The following LAMA5 variants were observed in gnomAD, a reference collection of about 807,000 sequenced individuals.
LAMA5 encodes the protein laminin subunit alpha 5.
LAMA5 carries 260 observed loss-of-function variants against 433.4 expected under a neutral mutation model. That is an observed-to-expected ratio of 0.60 (90% CI 0.54 to 0.66). LAMA5 has a LOEUF of 0.66. Ranked by LOEUF, LAMA5 falls within the 30% of genes least tolerant of loss-of-function variation. The pLI, the probability that LAMA5 is intolerant of heterozygous loss-of-function variation, is 0.00. For missense variants in LAMA5, 5,378 were observed against 5,258.5 expected, an observed-to-expected ratio of 1.02 and a Z score of -0.70; for synonymous variants, 2,620 against 2,226.6, an observed-to-expected ratio of 1.18 and a Z score of -4.97.
rs11466846 is a variant in LAMA5, at chr20:62,341,826, C to CAAA, written c.1478-3221_1478-3219dup. ...CGAACCTCTGTTAGGTCTGATCAAC[C>CAAA]AAAAAAAAAAAAAAAAAAAAAGAAG... On this transcript the variant is annotated intron_variant, in intron 11 of 79. Transcript: ENST00000252999. Among the ~76,000 whole-genome samples, 563 of 127,828 alleles carry CAAA rather than the reference C, an allele frequency of 4.4e-3. 1 individual carries two copies. The highest frequency in any genetic ancestry group is 0.019 in the African/African-American group (495 of 26,318). The allele number at this position is 127,828 out of a possible 152,430, so 83.9% of individuals were successfully genotyped here. A position where few individuals can be genotyped will look rare whatever the true frequency, so the allele number is the denominator to read the frequency against.
At chr20:62,336,187 C>T (rs539897324) in intron 18 of LAMA5, among the ~76,000 whole-genome samples, 153 bp downstream of exon 18, 71 of 148,488 alleles carry the variant, frequency 4.8e-4, no homozygotes, top group Admixed American at 8.7e-4. Context: ...GTACAATCCC[C>T]GAGGAACCCC....
intron 10 of LAMA5, 22 bp from the exon 11 acceptor site, chr20:62,345,899 G>A: frequency 6.4e-7 from 1 of 1,557,334 alleles, no homozygotes; most frequent in Non-Finnish European, 8.7e-7. Context: ...AGACACGCAT[G>A]TTGGCCAGGT....
At chr20:62,366,345 A>G (rs1193662592) in intron 1 of LAMA5, among the ~76,000 whole-genome samples, 1 of 152,190 alleles carries the variant, frequency 6.6e-6, no homozygotes, top group Non-Finnish European at 1.5e-5. Context: ...CACATCTCCC[A>G]GGGAGACTGA....
chr20:62,343,374 G>A (rs1262290599), intron 11 of LAMA5, among the ~76,000 whole-genome samples: 5 of 152,144 alleles, frequency 3.3e-5, no homozygotes, highest in Non-Finnish European at 5.9e-5. Flanking sequence ...GTAGAACAAC[G>A]TGGGCAGATT....
In LAMA5 at chr20:62,318,971, G is replaced by A. The variant is rs539739323; in HGVS notation, c.6914C>T (p.Ser2305Leu). The stretch of plus-strand genomic sequence containing the variant: ...GAGCAGCTGCTCACCTGATGGAGCC[G>A]AGGCATTGGCCAGCCCCAGGTGGCC... The part of the protein sequence containing the change: ...QTGHLGLANA[S>L]APSGEQLLRT... The change falls in exon 52 of 80, where the codon TCG becomes TTG. Residue 2305 changes from serine to leucine, a missense_variant. Transcript: ENST00000252999. 3.5e-5 allele frequency: 56 copies of A among 1,594,284 alleles called. No homozygotes were observed. Among genetic ancestry groups the A allele is most frequent in the Middle Eastern group, 1.7e-4 (1 of 6,044 alleles).
chr20:62,329,782 A>G lies in LAMA5; in HGVS notation c.4114T>C (p.Trp1372Arg). 6.2e-7 allele frequency: 1 copy of G among 1,612,430 alleles called. No homozygotes were observed. The highest frequency in any genetic ancestry group is 2.2e-5 in the East Asian group (1 of 44,862). The change falls in exon 32 of 80, where the codon TGG becomes CGG. Residue 1372 changes from tryptophan to arginine, a missense_variant. Transcript: ENST00000252999. The stretch of plus-strand genomic sequence containing the variant: ...GGACATCAGCTGGGACTCACCAGCC[A>G]GAGCCACCGGCCCTTGGGCACACGC... ...TVRVPKGRWL[W>R]LDYVLVVPEN...
Position 62,313,691 on chromosome 20 carries a change from G to A in LAMA5, c.8616C>T (p.Asp2872=), listed in dbSNP as rs187988761. 3.5e-5 allele frequency: 57 copies of A among 1,612,834 alleles called. No individual in the cohort carries two copies. The highest frequency in any genetic ancestry group is 2.5e-4 in the African/African-American group (19 of 75,064). ...ACCCCCCGACGTAGAAGACGAAGTC[G>A]TCTGGCCGCAGGTTGAGCAGCCCCT... ...GAEGLLNLRP[D]DFVFYVGGYP... The change falls in exon 63 of 80, where the codon GAC becomes GAT. Residue 2872 remains aspartate, a synonymous_variant. Coordinates refer to ENST00000252999, the MANE Select transcript of LAMA5 (RefSeq NM_005560.6).
At chr20:62,321,830 G>C (rs1395076337) in intron 48 of LAMA5, among the ~76,000 whole-genome samples, 189 bp downstream of exon 48, 1 of 151,818 alleles carries the variant, frequency 6.6e-6, no homozygotes, top group Admixed American at 6.6e-5. Context: ...ACAGTAGAGG[G>C]GTGCAGCCAG....
chr20:62,331,243 TGGGG>T (rs1980376894), intron 28 of LAMA5, 114 bp from the exon 29 acceptor site: 1 of 11,592 alleles, frequency 8.6e-5, no homozygotes, highest in Non-Finnish European at 2.1e-4. Flanking sequence ...GGCGGTACGA[TGGGG>T]AGTGCAGGCG....
rs528037607 is a variant in LAMA5 at position 62,359,458 on chromosome 20, C to T, written c.450+2942G>A. ...CCATGTGCCTGGGCAGTCATGAACG[C>T]GCTCACCCTTCCCTGGGCCTGGGGC... On this transcript the variant is annotated intron_variant, in intron 2 of 79. Coordinates refer to ENST00000252999, the MANE Select transcript of LAMA5 (RefSeq NM_005560.6). This position sits in a 1 kb window ranked among gnomAD's most constrained non-coding sequence, Gnocchi z 4.3. 2.1e-4 allele frequency among the ~76,000 whole-genome samples: 29 copies of T among 137,038 alleles called. No homozygotes were observed. The highest frequency in any genetic ancestry group is 7.8e-4 in the African/African-American group (29 of 37,398). 89.9% of individuals were successfully genotyped at this position (137,038 alleles called of 152,430 possible). A position where few individuals can be genotyped will look rare whatever the true frequency, so the allele number is the denominator to read the frequency against.
At chr20:62,352,881 T>C in intron 3 of LAMA5, 1 of 470,770 alleles carries the variant, frequency 2.1e-6, no homozygotes, top group Non-Finnish European at 3.8e-6. Context: ...CATGAAGCCA[T>C]CCAGAGGCAG....
intron 62 of LAMA5, among the ~76,000 whole-genome samples, chr20:62,314,009 T>G (rs1463777273): frequency 2.7e-5 from 1 of 37,080 alleles, no homozygotes; most frequent in African/African-American, 1.1e-4. Context: ...AGACGAGGGG[T>G]GGCGAGTGGG....
chr20:62,340,745 G>A (rs538524787), intron 11 of LAMA5, among the ~76,000 whole-genome samples: 3 of 152,070 alleles, frequency 2.0e-5, no homozygotes, highest in African/African-American at 7.2e-5. Flanking sequence ...AAAACAAAAG[G>A]CAGAAACTGC....
Position 62,318,453 on chromosome 20 carries a change from C to G in LAMA5, c.7239+1G>C. 1.3e-6 allele frequency: 2 copies of G among 1,571,198 alleles called. No individual in the cohort carries two copies. The highest frequency in any genetic ancestry group is 1.7e-6 in the Non-Finnish European group (2 of 1,159,784). ...AGGAAGAACAAGTCCGGGGTCCTCA[C>G]CAGGGCTTCCTCCAGGCGCTCCTGG... On this transcript the variant is annotated splice_donor_variant, in intron 53 of 79. Coordinates refer to ENST00000252999, the MANE Select transcript of LAMA5 (RefSeq NM_005560.6). LOFTEE classifies it high-confidence loss of function.
At chr20:62,332,325 T>C in intron 28 of LAMA5, 47 bp downstream of exon 28, 1 of 1,368,734 alleles carries the variant, frequency 7.3e-7, no homozygotes, top group Non-Finnish European at 1.0e-6. Context: ...TTTCAAATCT[T>C]CTGAAAGAAG....
chr20:62,314,464 T>C, intron 61 of LAMA5, 24 bp from the exon 62 acceptor site: 1 of 1,612,578 alleles, frequency 6.2e-7, no homozygotes, highest in Non-Finnish European at 8.5e-7. Flanking sequence ...AGACACACAG[T>C]CGGGATGGGG....
rs779600023 is a variant in LAMA5 at position 62,312,657 on chromosome 20, C to T, written c.9202G>A (p.Val3068Met). 2.7e-5 allele frequency: 43 copies of T among 1,607,278 alleles called. No individual in the cohort carries two copies. Among genetic ancestry groups the T allele is most frequent in the East Asian group, 9.0e-5 (4 of 44,518 alleles). The change falls in exon 67 of 80, where the codon GTG becomes ATG. Residue 3068 changes from valine to methionine, a missense_variant. Coordinates refer to ENST00000252999, the MANE Select transcript of LAMA5 (RefSeq NM_005560.6). ...ELADAYYLGG[V>M]PPDQLPPSLR... ...CTCGGGGGCAGCTGGTCGGGCGGCA[C>T]GCCCCCCAGGTAGTAGGCGTCGGCC...
At position 62,330,594 on chromosome 20, in the gene LAMA5, G is replaced by A. The variant is rs1385494948; in HGVS notation, c.3873C>T (p.Thr1291=). Residue 1291 remains threonine (T), a synonymous_variant, in exon 31 of 80, where the codon ACC becomes ACT. Transcript: ENST00000252999. ...REPQATVVFT[T]HVPTLGRYAF... ...CATAGCGGCCCAGCGTGGGCACATG[G>A]GTGGTGAAGACCACGGTGGCCTGCA... The A allele has an allele frequency of 3.1e-6, 5 of 1,593,348 alleles. No homozygotes were observed. The African/African-American group carries it at 5.3e-5, about 17-fold the overall frequency.
chr20:62,330,093 G>T (rs75766715), intron 31 of LAMA5, among the ~76,000 whole-genome samples, 177 bp from the exon 32 acceptor site: 1 of 152,228 alleles, frequency 6.6e-6, no homozygotes, highest in South Asian at 2.1e-4. Flanking sequence ...GGGGTTGGCC[G>T]CATCATGACC....
Sources: gnomAD v4.1 joint callset for allele counts (sites outside exome capture counted in the v4.1 genomes callset) on GRCh38, gnomAD v4.1.1 for gene constraint, Gnocchi (gnomAD v3.1) non-coding constraint, MANE v1.5 for transcripts, NCBI Gene and HGNC (gene_info 2026-07-23, HGNC 2026-07-21) for gene names.